The following TREML4 variants were observed in gnomAD, a reference collection of about 807,000 sequenced individuals.
TREML4 encodes the protein triggering receptor expressed on myeloid cells like 4, also known as trem-like transcript 4 protein.
Under a neutral mutation model 25.4 loss-of-function variants are expected in TREML4, and 25 were observed. The ratio of observed to expected loss-of-function variants is 0.98; its 90% CI spans 0.72 to 1.37. The LOEUF is 1.37. Ranked by LOEUF, TREML4 falls within the 40% of genes most tolerant of loss-of-function variation. TREML4 has a pLI of 0.00. For synonymous variants in TREML4, 92 were observed against 87.9 expected (o/e 1.05, Z -0.26); for missense variants, 268 against 236.5 (o/e 1.13, Z -0.87).
chr6:41,232,090 G>C (rs1453831967), intron 4 of TREML4, among the ~76,000 whole-genome samples: 1 of 152,210 alleles, frequency 6.6e-6, no homozygotes, highest in African/African-American at 2.4e-5. Context: ...GAGAAAAGAA[G>C]ACAATTCAGT....
chr6:41,230,554 C>T (rs1766777394), intron 4 of TREML4, among the ~76,000 whole-genome samples: 1 of 152,148 alleles, frequency 6.6e-6, no homozygotes, highest in South Asian at 2.1e-4. Flanking sequence ...GCCATGACGG[C>T]CTCCCCTTCA....
chr6:41,229,140 CCTGCCAGGTATTCTG>C, intron 2 of TREML4, 96 bp downstream of exon 2: 1 of 1,128,122 alleles, frequency 8.9e-7, no homozygotes, highest in Non-Finnish European at 1.3e-6. Context: ...CATCCCCCAT[CCTGCCAGGTATTCTG>C]CTGTGGTCCA....
intron 4 of TREML4, among the ~76,000 whole-genome samples, chr6:41,235,755 A>G (rs1766884007): frequency 6.6e-6 from 1 of 152,202 alleles, no homozygotes; most frequent in Non-Finnish European, 1.5e-5. Context: ...GTAATCCCAA[A>G]CACAACTTCT....
chr6:41,237,533 A>G lies in TREML4; in HGVS notation c.*514A>G, dbSNP rs1490882963. On this transcript the variant is annotated 3_prime_UTR_variant, in exon 6 of 6. Coordinates refer to ENST00000341495, the MANE Select transcript of TREML4 (RefSeq NM_198153.3). ...TTCCTCTTGTGCTTAATTAAATTCA[A>G]CCTCTGAACTGAAATGTGTCAGGGG... is the stretch of plus-strand genomic sequence containing the variant. The G allele has an allele frequency of 6.6e-6, 1 of 152,096 alleles. No individual in the cohort carries two copies. The highest frequency in any genetic ancestry group is 2.4e-5 in the African/African-American group (1 of 41,378). The allele number at this position is 152,096 out of a possible 1,614,324, so 9.4% of individuals were successfully genotyped here.
chr6:41,229,076 G>T, intron 2 of TREML4, 32 bp downstream of exon 2: 2 of 1,573,866 alleles, frequency 1.3e-6, no homozygotes. Context: ...ATACCTCTGT[G>T]CCACCCCCCA....
At chr6:41,232,511 G>C (rs1029120681) in intron 4 of TREML4, 6 of 197,770 alleles carry the variant, frequency 3.0e-5, no homozygotes, top group African/African-American at 1.4e-4. Context: ...GGAGGTAGGG[G>C]ATGGTTTCAG....
intron 4 of TREML4, chr6:41,231,154 C>A (rs772818502): frequency 1.5e-4 from 62 of 412,428 alleles, no homozygotes; most frequent in Admixed American, 1.1e-3. Context: ...ATAATTATTT[C>A]ATTATATATT....
In TREML4 at chr6:41,238,647, T is replaced by G. The variant is rs1422835477; in HGVS notation, c.*1628T>G. ...GGGTTGTGGGATCTCAGACATCTAA[T>G]TAATACTGCCAGCTTGTGTTGCCTG... On this transcript the variant is annotated 3_prime_UTR_variant, in exon 6 of 6. Coordinates refer to ENST00000341495, the MANE Select transcript of TREML4 (RefSeq NM_198153.3). The G allele has an allele frequency of 1.3e-5, 2 of 152,180 alleles. No individual in the cohort carries two copies. Among genetic ancestry groups the G allele is most frequent in the Admixed American group, 6.5e-5 (1 of 15,272 alleles). 9.4% of individuals were successfully genotyped at this position (152,180 alleles called of 1,614,324 possible).
chr6:41,228,662 G>C (rs548303797), intron 1 of TREML4, 52 bp from the exon 2 acceptor site: 4 of 1,563,456 alleles, frequency 2.6e-6, no homozygotes, highest in Non-Finnish European at 3.5e-6. Flanking sequence ...GGGGAGGTTG[G>C]GTCCCTTCAG....
rs770814447 is a variant in TREML4, at chr6:41,229,030, T to G, written c.380T>G (p.Leu127Arg). Residue 127 changes from leucine (L) to arginine (R), a missense_variant, in exon 2 of 6, where the codon CTG (leucine) becomes CGG (arginine). Coordinates refer to ENST00000341495, the MANE Select transcript of TREML4 (RefSeq NM_198153.3). The part of the protein sequence containing the change: ...NIITVLRNIS[L>R]VVSPAPTTSP... ...ATCACTGTTCTTAGAAATATCAGCC[T>G]GGTGGTGTCTCCAGGTGAGCTCTTT... 9 of 1,613,356 alleles carry G rather than the reference T, an allele frequency of 5.6e-6. No individual in the cohort carries two copies. In the South Asian group the frequency reaches 9.9e-5, roughly 18 times the overall value.
At position 41,228,694 on chromosome 6, in the gene TREML4, CT is replaced by C. The variant is rs1173138158; in HGVS notation, c.64-19del. ...TCAGAGCTCTGACCTGGGTTTCTTT[CT>C]GCCGGTTCCTGGGTAAAGGGTGCTG... On this transcript the variant is annotated intron_variant, in intron 1 of 5. Transcript: ENST00000341495. 4 of 1,600,784 alleles carry C rather than the reference CT, an allele frequency of 2.5e-6. No individual in the cohort carries two copies. The highest frequency in any genetic ancestry group is 3.4e-6 in the Non-Finnish European group (4 of 1,172,598).
At chr6:41,235,442 A>G (rs987108061) in intron 4 of TREML4, among the ~76,000 whole-genome samples, 2 of 152,220 alleles carry the variant, frequency 1.3e-5, no homozygotes, top group Non-Finnish European at 2.9e-5. Context: ...AATGAGAAAC[A>G]ACAAACTATT....
chr6:41,228,734 T>A lies in TREML4; in HGVS notation c.84T>A (p.Leu28=), dbSNP rs751379650. The change falls in exon 2 of 6, where the codon CTT becomes CTA. Residue 28 remains leucine, a synonymous_variant. Coordinates refer to ENST00000341495, the MANE Select transcript of TREML4 (RefSeq NM_198153.3). The part of the protein sequence containing the change: ...SWPQGAVPEE[L]HKHPGQTLLL... Reference sequence around the variant, plus strand: ...TAAAGGGTGCTGTGCCTGAAGAACTTCACAAACACCCAGGACAGACCCTCC... The same window carrying A: ...TAAAGGGTGCTGTGCCTGAAGAACTACACAAACACCCAGGACAGACCCTCC... The A allele has an allele frequency of 6.2e-7, 1 of 1,613,480 alleles. No individual in the cohort carries two copies. The highest frequency in any genetic ancestry group is 2.2e-5 in the East Asian group (1 of 44,866).
intron 4 of TREML4, among the ~76,000 whole-genome samples, chr6:41,234,450 A>G (rs1766862448): frequency 6.6e-6 from 1 of 152,046 alleles, no homozygotes; most frequent in Admixed American, 6.5e-5. Flanking sequence ...TTGAAAAAGG[A>G]GATCAAAGAA....
chr6:41,233,708 T>C (rs985814918), intron 4 of TREML4, among the ~76,000 whole-genome samples: 11 of 151,918 alleles, frequency 7.2e-5, no homozygotes, highest in African/African-American at 2.7e-4. Context: ...CAAAACTAAA[T>C]AGAGGGGTTT....
In TREML4 at chr6:41,228,708, G is replaced by C. The variant is rs765295601; in HGVS notation, c.64-6G>C. The C allele has an allele frequency of 1.2e-6, 2 of 1,609,482 alleles. No homozygotes were observed. The highest frequency in any genetic ancestry group is 1.1e-5 in the South Asian group (1 of 90,744). ...TGGGTTTCTTTCTGCCGGTTCCTGG[G>C]TAAAGGGTGCTGTGCCTGAAGAACT... On this transcript the variant is annotated splice_polypyrimidine_tract_variant and splice_region_variant and intron_variant, in intron 1 of 5. Coordinates refer to ENST00000341495, the MANE Select transcript of TREML4 (RefSeq NM_198153.3).
Position 41,230,136 on chromosome 6 carries a change from T to G in TREML4, c.506+14T>G. Reference sequence around the variant, plus strand: ...CTCTGAGACCAGGTAGGTCAGAGGTTTTAACACTGGGAGGGAGGTCTTGGG... The same window carrying G: ...CTCTGAGACCAGGTAGGTCAGAGGTGTTAACACTGGGAGGGAGGTCTTGGG... On this transcript the variant is annotated intron_variant, in intron 4 of 5. Coordinates refer to ENST00000341495, the MANE Select transcript of TREML4 (RefSeq NM_198153.3). 1 of 1,600,504 alleles carries G rather than the reference T, an allele frequency of 6.2e-7. No individual in the cohort carries two copies. Among genetic ancestry groups the G allele is most frequent in the East Asian group, 2.2e-5 (1 of 44,782 alleles).
rs112416906 is a variant in TREML4, at chr6:41,230,174, G to A, written c.506+52G>A. 10,911 of 1,441,920 alleles carry A rather than the reference G, an allele frequency of 7.6e-3. 91 individuals are homozygous for A. The highest frequency in any genetic ancestry group is 0.021 in the South Asian group (1,869 of 87,580). The allele number at this position is 1,441,920 out of a possible 1,614,324, so 89.3% of individuals were successfully genotyped here. Reference sequence around the variant, plus strand: ...GGGAGGTCTTGGGAAGGGAGGGCCTGATTAGCTCCTGAACCTTGGAATCAA... The same window carrying A: ...GGGAGGTCTTGGGAAGGGAGGGCCTAATTAGCTCCTGAACCTTGGAATCAA... On this transcript the variant is annotated intron_variant, in intron 4 of 5. Coordinates refer to ENST00000341495, the MANE Select transcript of TREML4 (RefSeq NM_198153.3).
At chr6:41,230,732 T>C (rs1582115647) in intron 4 of TREML4, among the ~76,000 whole-genome samples, 1 of 152,142 alleles carries the variant, frequency 6.6e-6, no homozygotes, top group African/African-American at 2.4e-5. Context: ...AAACAGACTA[T>C]CTCTCAGGGA....
Sources: allele counts gnomAD v4.1 joint callset (sites outside exome capture counted in the v4.1 genomes callset), GRCh38; gene constraint gnomAD v4.1.1; transcripts MANE v1.5; gene names NCBI Gene and HGNC (gene_info 2026-07-23, HGNC 2026-07-21).